Variants in CTSB observed in about 807,000 individuals in gnomAD.
CTSB encodes the protein APP secretase.
Under a neutral mutation model 44.3 loss-of-function variants are expected in CTSB, and 57 were observed. The ratio of observed to expected loss-of-function variants is 1.29; its 90% CI spans 1.04 to 1.60. The LOEUF (loss-of-function observed/expected upper bound fraction) is 1.60, where lower values mean the gene tolerates loss of function less well. Among genes scored for constraint, CTSB ranks in the 40% most tolerant of loss-of-function variants. The probability of loss-of-function intolerance (pLI) is 0.00; values close to 1 mark genes in which losing one functional copy is unlikely to be tolerated. For missense variants in CTSB, 768 were observed against 443.0 expected, an observed-to-expected ratio of 1.73 and a Z score of -6.59; for synonymous variants, 320 against 168.0, an observed-to-expected ratio of 1.91 and a Z score of -7.00.
Position 11,868,068 on chromosome 8 carries a change from G to C in CTSB, c.-93C>G, listed in dbSNP as rs1051090746. The C allele has an allele frequency of 6.6e-6, 1 of 152,622 alleles. No individual in the cohort carries two copies. The highest frequency in any genetic ancestry group is 1.5e-5 in the Non-Finnish European group (1 of 68,478). 9.5% of individuals were successfully genotyped at this position (152,622 alleles called of 1,614,324 possible). ...CGGAGCGGTTGGCGTTGCCGGAGCG[G>C]TTGCCGGAGCCCTGCAGCCGCCGTA... On this transcript the variant is annotated 5_prime_UTR_variant, in exon 1 of 10. Transcript: ENST00000353047.
chr8:11,849,268 C>G (rs1313725850), intron 4 of CTSB, 104 bp from the exon 5 acceptor site: 4 of 794,822 alleles, frequency 5.0e-6, no homozygotes, highest in Non-Finnish European at 8.4e-6. Flanking sequence ...TTGTAGGCAA[C>G]TGATCTCTCA....
At chr8:11,846,818 C>G (rs1268411733) in intron 8 of CTSB, among the ~76,000 whole-genome samples, 2 of 152,078 alleles carry the variant, frequency 1.3e-5, no homozygotes, top group Non-Finnish European at 2.9e-5. Context: ...AGCCCAGAGG[C>G]TCTGGGAGAG....
intron 1 of CTSB, 94 bp from the exon 2 acceptor site, chr8:11,853,573 C>T (rs1340402861): frequency 2.3e-6 from 3 of 1,276,852 alleles, no homozygotes; most frequent in East Asian, 2.5e-5. Flanking sequence ...AGTGGGGACC[C>T]CCATGCTCGT....
intron 1 of CTSB, chr8:11,862,245 C>A (rs1428835966): frequency 2.6e-5 from 4 of 151,916 alleles, no homozygotes; most frequent in Non-Finnish European, 5.9e-5. Context: ...CTCTTGGATC[C>A]AGCTAGGTCC....
intron 1 of CTSB, among the ~76,000 whole-genome samples, chr8:11,863,304 C>T (rs1237383844): frequency 6.6e-6 from 1 of 151,968 alleles, no homozygotes; most frequent in Non-Finnish European, 1.5e-5. Context: ...ACTAAAAATA[C>T]AAAAATTAGC....
chr8:11,853,758 T>G, intron 1 of CTSB: 1 of 324,262 alleles, frequency 3.1e-6, no homozygotes, highest in East Asian at 5.7e-5. Flanking sequence ...CGCTGCTATT[T>G]TTAAACGGCC....
chr8:11,844,432 GGTA>G lies in CTSB; in HGVS notation c.*690_*692del, dbSNP rs1335365020. 15 of 152,010 alleles carry G rather than the reference GGTA, an allele frequency of 9.9e-5. No individual in the cohort carries two copies. The South Asian group carries it at 1.0e-3, about 11-fold the overall frequency. 9.4% of individuals were successfully genotyped at this position (152,010 alleles called of 1,614,324 possible). A position where few individuals can be genotyped will look rare whatever the true frequency, so the allele number is the denominator to read the frequency against. On this transcript the variant is annotated 3_prime_UTR_variant, in exon 10 of 10. Transcript: ENST00000353047. ...GTTTCTCCTAAACTATTTTCCTTGT[GGTA>G]GTAGAGATCAGTGGGTCAGAAACAA...
rs1177791286 is a variant in CTSB, at chr8:11,842,708, C to G, written c.*2417G>C. ...CTGGAGTGCAATGGCGTGATCTCGG[C>G]TCACTGCATCCTCTGCCTCCCAGGT... On this transcript the variant is annotated 3_prime_UTR_variant, in exon 10 of 10. Coordinates refer to ENST00000353047, the MANE Select transcript of CTSB (RefSeq NM_001908.5). The G allele has an allele frequency of 1.3e-5, 2 of 151,986 alleles. No individual in the cohort carries two copies. The highest frequency in any genetic ancestry group is 4.8e-5 in the African/African-American group (2 of 41,364). The allele number at this position is 151,986 out of a possible 1,614,324, so 9.4% of individuals were successfully genotyped here. A position where few individuals can be genotyped will look rare whatever the true frequency, so the allele number is the denominator to read the frequency against.
intron 1 of CTSB, among the ~76,000 whole-genome samples, chr8:11,860,282 T>C (rs1338092661): frequency 1.3e-5 from 2 of 152,170 alleles, no homozygotes; most frequent in African/African-American, 4.8e-5. Flanking sequence ...TCCTCATTCG[T>C]TGGTGCTGTG....
intron 1 of CTSB, among the ~76,000 whole-genome samples, chr8:11,859,930 G>A (rs750598507): frequency 7.3e-5 from 11 of 151,626 alleles, no homozygotes; most frequent in Admixed American, 2.6e-4. Context: ...AAACTCAGCC[G>A]GGCATGGTGG....
rs1812942968 is a variant in CTSB at position 11,844,824 on chromosome 8, G to C, written c.*301C>G. ...TCCTGCGTCTCTGTCTTGCTCCCTG[G>C]AGATGGATGGATCACGGAGGGGGCC... On this transcript the variant is annotated 3_prime_UTR_variant, in exon 10 of 10. Transcript: ENST00000353047. The C allele has an allele frequency of 2.8e-6, 1 of 354,536 alleles. No homozygotes were observed. The highest frequency in any genetic ancestry group is 5.2e-6 in the Non-Finnish European group (1 of 191,128). 22.0% of individuals were successfully genotyped at this position (354,536 alleles called of 1,614,324 possible).
chr8:11,844,897 G>A lies in CTSB; in HGVS notation c.*228C>T, dbSNP rs1461501376. 1.4e-5 allele frequency: 8 copies of A among 555,126 alleles called. No individual in the cohort carries two copies. The highest frequency in any genetic ancestry group is 2.3e-5 in the Non-Finnish European group (7 of 310,008). 34.4% of individuals were successfully genotyped at this position (555,126 alleles called of 1,614,324 possible). The stretch of plus-strand genomic sequence containing the variant: ...ACTCCCTACGGCACTAGTCTACAGG[G>A]GGAAGGACGCTCTGTGCTGGCAGCG... On this transcript the variant is annotated 3_prime_UTR_variant, in exon 10 of 10. Coordinates refer to ENST00000353047, the MANE Select transcript of CTSB (RefSeq NM_001908.5).
At chr8:11,857,779 GC>G (rs1815744003) in intron 1 of CTSB, 1 of 152,732 alleles carries the variant, frequency 6.5e-6, no homozygotes, top group African/African-American at 2.4e-5. Context: ...GCTCCCCGGG[GC>G]CACCGCTGCC....
chr8:11,859,073 G>A (rs982516141), intron 1 of CTSB, among the ~76,000 whole-genome samples: 1 of 152,092 alleles, frequency 6.6e-6, no homozygotes, highest in African/African-American at 2.4e-5. Context: ...CTGCTGTGCT[G>A]CTTAGGCAGA....
At chr8:11,847,305 T>C in intron 7 of CTSB, 137 bp from the exon 8 acceptor site, 1 of 669,368 alleles carries the variant, frequency 1.5e-6, no homozygotes, top group Non-Finnish European at 2.7e-6. Flanking sequence ...CCAGGGGAGC[T>C]CAAGGAAGGC....
At position 11,844,945 on chromosome 8, in the gene CTSB, A is replaced by C. The variant is rs1477041741; in HGVS notation, c.*180T>G. ...GCGGTGGCTCACATGGCCTGTCTGCACTGTAACCACAGGCTGGGATGTAGC... is the reference window on the plus strand; with the variant it reads ...GCGGTGGCTCACATGGCCTGTCTGCCCTGTAACCACAGGCTGGGATGTAGC... On this transcript the variant is annotated 3_prime_UTR_variant, in exon 10 of 10. Transcript: ENST00000353047. The C allele has an allele frequency of 6.6e-6, 4 of 605,494 alleles. No homozygotes were observed. Among genetic ancestry groups the C allele is most frequent in the African/African-American group, 5.5e-5 (3 of 54,118 alleles). The allele number at this position is 605,494 out of a possible 1,614,324, so 37.5% of individuals were successfully genotyped here. A position where few individuals can be genotyped will look rare whatever the true frequency, so the allele number is the denominator to read the frequency against.
rs938540868 is a variant in CTSB, at chr8:11,844,171, G to A, written c.*954C>T. 1 of 152,248 alleles carries A rather than the reference G, an allele frequency of 6.6e-6. No homozygotes were observed. Among genetic ancestry groups the A allele is most frequent in the African/African-American group, 2.4e-5 (1 of 41,456 alleles). The allele number at this position is 152,248 out of a possible 1,614,324, so 9.4% of individuals were successfully genotyped here. A position where few individuals can be genotyped will look rare whatever the true frequency, so the allele number is the denominator to read the frequency against. The stretch of plus-strand genomic sequence containing the variant: ...GGAGGGATGCCATGGTTGAAAACAT[G>A]GCTGGGGCAGCGAGAAGTTAAGATG... On this transcript the variant is annotated 3_prime_UTR_variant, in exon 10 of 10. Coordinates refer to ENST00000353047, the MANE Select transcript of CTSB (RefSeq NM_001908.5).
At chr8:11,866,007 AGT>A (rs1313398230) in intron 1 of CTSB, among the ~76,000 whole-genome samples, 5 of 142,824 alleles carry the variant, frequency 3.5e-5, no homozygotes, top group Admixed American at 1.4e-4. Context: ...CGATAGAGGG[AGT>A]GTGTCTCAAA....
At position 11,853,381 on chromosome 8, in the gene CTSB, G is replaced by C; in HGVS notation, c.74C>G (p.Pro25Arg). ...ATAGTTGACCAGCTCATCCGACAGG[G>C]GATGGAAAGAGGGCCTGCTCCGGGC... The part of the protein sequence containing the change: ...ANARSRPSFH[P>R]LSDELVNYVN... The change falls in exon 2 of 10, where the codon CCC (proline) becomes CGC (arginine). Residue 25 changes from proline to arginine, a missense_variant. Pro to Arg is a moderately radical substitution (Grantham distance 103). Coordinates refer to ENST00000353047, the MANE Select transcript of CTSB (RefSeq NM_001908.5). 6.2e-7 allele frequency: 1 copy of C among 1,612,926 alleles called. No individual in the cohort carries two copies. The highest frequency in any genetic ancestry group is 8.5e-7 in the Non-Finnish European group (1 of 1,179,764).
Sources: gnomAD v4.1 joint callset for allele counts (sites outside exome capture counted in the v4.1 genomes callset) on GRCh38, gnomAD v4.1.1 for gene constraint, MANE v1.5 for transcripts, NCBI Gene and HGNC (gene_info 2026-07-23, HGNC 2026-07-21) for gene names.